CCDC158: variants seen among roughly 807,000 people sequenced by gnomAD.
CCDC158 encodes the protein coiled-coil domain-containing protein 158.
A neutral mutation model predicts 138.6 loss-of-function variants in CCDC158; 116 were observed. The observed-to-expected ratio is 0.84, with a 90% CI of 0.72 to 0.98. The LOEUF (loss-of-function observed/expected upper bound fraction) is 0.98. Ranked by LOEUF, CCDC158 falls within the 50% of genes least tolerant of loss-of-function variation. CCDC158 has a pLI of 0.00. For missense variants in CCDC158, 1,265 were observed against 1,306.1 expected, an observed-to-expected ratio of 0.97 and a Z score of 0.48; for synonymous variants, 436 against 442.4, an observed-to-expected ratio of 0.99 and a Z score of 0.18.
In CCDC158 at chr4:76,384,136, TAG is replaced by T. The variant is rs1560455850; in HGVS notation, c.676_677del (p.Leu226LysfsTer11). The T allele has an allele frequency of 6.2e-7, 1 of 1,613,588 alleles. No homozygotes were observed. The highest frequency in any genetic ancestry group is 1.3e-5 in the African/African-American group (1 of 74,944). On this transcript the variant is annotated frameshift_variant, in exon 6 of 25. Transcript: ENST00000682701. LOFTEE classifies it high-confidence loss of function. Reference sequence around the variant, plus strand: ...AAGAAATCTCTGTGTCTAATTCTCTTAGTATTTTACTAATAGCTGAGCCCAAG... The same window carrying T: ...AAGAAATCTCTGTGTCTAATTCTCTTTATTTTACTAATAGCTGAGCCCAAG... ...RSLGSAISKI[L>X]RELDTEISYL...
At chr4:76,323,118 ACCTGCC>A (rs1720190173) in intron 24 of CCDC158, among the ~76,000 whole-genome samples, 178 bp downstream of exon 24, 1 of 152,164 alleles carries the variant, frequency 6.6e-6, no homozygotes, top group African/African-American at 2.4e-5. Flanking sequence ...GGCAAGAGTG[ACCTGCC>A]CATGGTCACA....
intron 18 of CCDC158, among the ~76,000 whole-genome samples, chr4:76,343,494 A>G (rs1722253835): frequency 6.6e-6 from 1 of 152,208 alleles, no homozygotes; most frequent in African/African-American, 2.4e-5. Flanking sequence ...TTATTTAAAA[A>G]CCAAAGTTAA....
chr4:76,335,695 T>A (rs1258196104), intron 18 of CCDC158, among the ~76,000 whole-genome samples: 1 of 152,124 alleles, frequency 6.6e-6, no homozygotes, highest in African/African-American at 2.4e-5. Context: ...TCCTCCTGCC[T>A]CAGCACCCCC....
In CCDC158 at chr4:76,332,448, A is replaced by G. The variant is rs1721087718; in HGVS notation, c.2866T>C (p.Ser956Pro). ...TCTTCTTACCTATGGCACATGTCTG[A>G]TCTCAGGCTGGATTCAGTAATGCAA... The part of the protein sequence containing the change: ...RDCITESSLR[S>P]DMCHRSNNSL... Residue 956 changes from serine (S) to proline (P), a missense_variant, in exon 20 of 25, where the codon TCA becomes CCA. Transcript: ENST00000682701. 1.2e-6 allele frequency: 2 copies of G among 1,611,060 alleles called. No individual in the cohort carries two copies. Among genetic ancestry groups the G allele is most frequent in the Non-Finnish European group, 1.7e-6 (2 of 1,178,104 alleles).
chr4:76,398,366 G>C (rs1363806698), intron 3 of CCDC158, among the ~76,000 whole-genome samples: 1 of 152,060 alleles, frequency 6.6e-6, no homozygotes, highest in African/African-American at 2.4e-5. Flanking sequence ...GGTGTAGGCT[G>C]TAAAAGTATA....
Position 76,359,096 on chromosome 4 carries a change from T to TTC in CCDC158, c.2021-1572_2021-1571dup, listed in dbSNP as rs35311653. 9.9e-3 allele frequency among the ~76,000 whole-genome samples: 1,470 copies of TTC among 149,220 alleles called. 19 individuals are homozygous for TTC. The highest frequency in any genetic ancestry group is 0.031 in the African/African-American group (1,268 of 40,878). ...TTTGAAAGTGTGTAGCACCTCCCTCTTCTCTCTCTCTCTCTCTCTCTACTG... is the reference window on the plus strand; with the variant it reads ...TTTGAAAGTGTGTAGCACCTCCCTCTTCTCTCTCTCTCTCTCTCTCTCTACTG... On this transcript the variant is annotated intron_variant, in intron 13 of 24. Transcript: ENST00000682701.
chr4:76,351,680 G>A (rs372793788), intron 17 of CCDC158, 40 bp downstream of exon 17: 45 of 1,185,554 alleles, frequency 3.8e-5, no homozygotes, highest in Non-Finnish European at 5.2e-5. Flanking sequence ...TCAAAGAACG[G>A]CATTATTTTC....
rs761503122 is a variant in CCDC158, at chr4:76,396,529, GAGA to G, written c.71-46_71-44del. Reference sequence around the variant, plus strand: ...CATTAATTAACTTTTCGTTTTTTTTGAGAAGGAGTTTCACTGTTATTGCCCAGG... The same window carrying G: ...CATTAATTAACTTTTCGTTTTTTTTGAGGAGTTTCACTGTTATTGCCCAGG... On this transcript the variant is annotated intron_variant, in intron 3 of 24. Transcript: ENST00000682701. 1.2e-5 allele frequency: 18 copies of G among 1,459,406 alleles called. No homozygotes were observed. The East Asian group carries it at 2.3e-4, about 19-fold the overall frequency. The allele number at this position is 1,459,406 out of a possible 1,614,324, so 90.4% of individuals were successfully genotyped here.
At chr4:76,394,142 A>C (rs1727567228) in intron 4 of CCDC158, among the ~76,000 whole-genome samples, 1 of 152,110 alleles carries the variant, frequency 6.6e-6, no homozygotes, top group African/African-American at 2.4e-5. Flanking sequence ...TATACTCCCC[A>C]AAAAGGAAAT....
intron 16 of CCDC158, 148 bp downstream of exon 16, chr4:76,352,975 T>C: frequency 1.6e-6 from 1 of 609,056 alleles, no homozygotes; most frequent in Non-Finnish European, 2.6e-6. Flanking sequence ...TCTAATAGGA[T>C]AGGGTTTTCC....
intron 18 of CCDC158, among the ~76,000 whole-genome samples, chr4:76,343,790 G>C (rs944196944): frequency 2.0e-5 from 3 of 152,142 alleles, no homozygotes; most frequent in Admixed American, 6.5e-5. Flanking sequence ...GACAGAGTGA[G>C]ACTCCATCTC....
rs1332369661 is a variant in CCDC158 at position 76,383,688 on chromosome 4, T to A, written c.777A>T (p.Glu259Asp). Residue 259 changes from glutamate (E) to aspartate (D), a missense_variant, in exon 7 of 25, where the codon GAA becomes GAT. Transcript: ENST00000682701. Reference sequence around the variant, plus strand: ...TATCTTGGTGTTGTTGCAGAAGTAGTTCTATTTTGTTCTGTGATTCAGATT... The same window carrying A: ...TATCTTGGTGTTGTTGCAGAAGTAGATCTATTTTGTTCTGTGATTCAGATT... ...ALKSESQNKI[E>D]LLLQQHQDRI... The A allele has an allele frequency of 1.1e-5, 17 of 1,613,486 alleles. No homozygotes were observed. Among genetic ancestry groups the A allele is most frequent in the Middle Eastern group, 1.6e-4 (1 of 6,082 alleles).
At chr4:76,362,586 C>A (rs1461150433) in intron 12 of CCDC158, among the ~76,000 whole-genome samples, 2 of 152,150 alleles carry the variant, frequency 1.3e-5, no homozygotes, top group African/African-American at 4.8e-5. Flanking sequence ...GTATTGCTTG[C>A]AACAACCCTT....
intron 17 of CCDC158, 29 bp downstream of exon 17, chr4:76,351,691 G>A (rs372527938): frequency 1.2e-4 from 162 of 1,373,504 alleles, no homozygotes; most frequent in African/African-American, 2.9e-4. Context: ...CATTATTTTC[G>A]CTTAAACTAA....
At chr4:76,316,234 A>G (rs529293544) in intron 24 of CCDC158, among the ~76,000 whole-genome samples, 1 of 152,190 alleles carries the variant, frequency 6.6e-6, no homozygotes, top group Non-Finnish European at 1.5e-5. Context: ...TGGATGAAAA[A>G]TTCTCCAGAG....
intron 23 of CCDC158, among the ~76,000 whole-genome samples, chr4:76,324,196 CTT>C (rs764232084): frequency 2.9e-4 from 40 of 136,542 alleles, no homozygotes; most frequent in Admixed American, 3.7e-4. Flanking sequence ...TGGAGAGTTT[CTT>C]TTTTTTTTTT....
intron 2 of CCDC158, among the ~76,000 whole-genome samples, chr4:76,408,820 C>T (rs976552950): frequency 1.3e-5 from 2 of 152,172 alleles, no homozygotes; most frequent in Non-Finnish European, 2.9e-5. Flanking sequence ...AAAAGTGTTC[C>T]TATTTCTCCA....
intron 16 of CCDC158, 109 bp from the exon 17 acceptor site, chr4:76,351,921 T>C: frequency 1.5e-6 from 1 of 655,254 alleles, no homozygotes; most frequent in Non-Finnish European, 2.7e-6. Context: ...TTCCTGCCCT[T>C]CTACCAAACT....
upstream of CCDC158, among the ~76,000 whole-genome samples, chr4:76,421,359 C>T (rs937170319): frequency 3.9e-5 from 6 of 152,102 alleles, no homozygotes; most frequent in African/African-American, 1.4e-4. Flanking sequence ...GTCCCCACCA[C>T]CGCCCGGGCG....
Sources: gnomAD v4.1 joint callset for allele counts (sites outside exome capture counted in the v4.1 genomes callset) on GRCh38, gnomAD v4.1.1 for gene constraint, MANE v1.5 for transcripts, NCBI Gene and HGNC (gene_info 2026-07-23, HGNC 2026-07-21) for gene names.